The following TPRG1 variants were observed in gnomAD, a reference collection of about 807,000 sequenced individuals.
The protein encoded by TPRG1 is tumor protein p63-regulated gene 1 protein.
In TPRG1, 29 loss-of-function variants were observed where a neutral mutation model predicts 29.3. The ratio of observed to expected loss-of-function variants is 0.99; its 90% CI spans 0.74 to 1.35. The LOEUF is 1.35. Among genes scored for constraint, TPRG1 ranks in the 40% most tolerant of loss-of-function variants. TPRG1 has a pLI of 0.00. For missense variants in TPRG1, 327 were observed against 335.0 expected, an observed-to-expected ratio of 0.98 and a Z score of 0.19; for synonymous variants, 130 against 116.8, an observed-to-expected ratio of 1.11 and a Z score of -0.73.
intron 1 of TPRG1, among the ~76,000 whole-genome samples, chr3:189,204,238 A>G (rs1352388736): frequency 6.6e-6 from 1 of 152,138 alleles, no homozygotes; most frequent in East Asian, 1.9e-4. Context: ...ATCTATGTGA[A>G]AGCAATGGAA....
At chr3:189,301,593 A>G (rs1031483223) in intron 4 of TPRG1, among the ~76,000 whole-genome samples, 3 of 151,978 alleles carry the variant, frequency 2.0e-5, no homozygotes, top group African/African-American at 4.8e-5. Context: ...TTCTGCCATT[A>G]TCACCATTAC....
At chr3:189,272,721 T>TTC (rs764267463) in intron 4 of TPRG1, among the ~76,000 whole-genome samples, 36 of 100,680 alleles carry the variant, frequency 3.6e-4, no homozygotes, top group African/African-American at 7.5e-4. Flanking sequence ...TTCTCCTTCC[T>TTC]TCCTTCCTTC....
chr3:189,139,060 T>C (rs1392144169), intron 3 of TPRG1, among the ~76,000 whole-genome samples: 1 of 152,180 alleles, frequency 6.6e-6, no homozygotes, highest in Non-Finnish European at 1.5e-5. Flanking sequence ...CCCAGCCAAG[T>C]AGACAACTTA....
At chr3:189,296,907 A>G (rs1720023691) in intron 4 of TPRG1, among the ~76,000 whole-genome samples, 1 of 152,214 alleles carries the variant, frequency 6.6e-6, no homozygotes, top group South Asian at 2.1e-4. Context: ...ACTCCACTAA[A>G]TGATAGAAAC....
At chr3:189,207,698 C>T in intron 2 of TPRG1, 104 bp downstream of exon 2, 1 of 1,068,852 alleles carries the variant, frequency 9.4e-7, no homozygotes, top group Admixed American at 2.0e-5. Flanking sequence ...ACATTTGTCT[C>T]ATGTAATCGT....
intron 4 of TPRG1, among the ~76,000 whole-genome samples, chr3:189,042,284 C>A (rs927035673): frequency 2.6e-5 from 4 of 152,070 alleles, no homozygotes; most frequent in Admixed American, 2.0e-4. Flanking sequence ...CCAATTTCAG[C>A]TTTTTTGGTT....
chr3:189,264,490 T>C (rs1713695001), intron 4 of TPRG1, among the ~76,000 whole-genome samples: 1 of 152,212 alleles, frequency 6.6e-6, no homozygotes, highest in Non-Finnish European at 1.5e-5. Flanking sequence ...ACTCTTTTCC[T>C]TAGTTCAAAT....
chr3:189,232,486 T>C (rs1316465577), intron 3 of TPRG1, among the ~76,000 whole-genome samples: 3 of 152,228 alleles, frequency 2.0e-5, no homozygotes, highest in African/African-American at 4.8e-5. Context: ...TGAGTTCAGC[T>C]TCTGTGGGCT....
intron 3 of TPRG1, among the ~76,000 whole-genome samples, chr3:189,006,214 T>C (rs1207861884): frequency 6.6e-6 from 1 of 152,128 alleles, no homozygotes; most frequent in African/African-American, 2.4e-5. Flanking sequence ...GGTTCAAGTC[T>C]AGATTTTGTC....
chr3:189,037,208 A>G (rs1714327315), intron 4 of TPRG1, among the ~76,000 whole-genome samples: 1 of 151,782 alleles, frequency 6.6e-6, no homozygotes, highest in African/African-American at 2.4e-5. Flanking sequence ...TATAGAACAA[A>G]TTTATTTATA....
chr3:189,020,327 G>T (rs1320857919), intron 3 of TPRG1, among the ~76,000 whole-genome samples: 1 of 151,648 alleles, frequency 6.6e-6, no homozygotes, highest in Admixed American at 6.6e-5. Context: ...TGATGTTAGG[G>T]TGTCAATTTT....
chr3:189,272,716 C>T lies in TPRG1; in HGVS notation c.479+33807C>T, dbSNP rs1182701817. Among the ~76,000 whole-genome samples the T allele has an allele frequency of 4.8e-3, 448 of 92,760 alleles. 5 individuals carry two copies. The highest frequency in any genetic ancestry group is 0.024 in the African/African-American group (429 of 17,660). The allele number at this position is 92,760 out of a possible 152,430, so 60.9% of individuals were successfully genotyped here. On this transcript the variant is annotated intron_variant, in intron 4 of 5. Coordinates refer to ENST00000345063, the MANE Select transcript of TPRG1 (RefSeq NM_198485.4). Reference sequence around the variant, plus strand: ...CTTTCTCTTTCTTTCTTTCTTTCTCCTTCCTTCCTTCCTTCCTTCCTTCCT... The same window carrying T: ...CTTTCTCTTTCTTTCTTTCTTTCTCTTTCCTTCCTTCCTTCCTTCCTTCCT...
rs374856917 is a variant in TPRG1, at chr3:189,128,256, T to C, written c.-590+1046T>C. ...AGCTCTCCTGGAGCATGGGCCGCCATGGCCCTTGCATGGAATCATTGTACC... is the reference window on the plus strand; with the variant it reads ...AGCTCTCCTGGAGCATGGGCCGCCACGGCCCTTGCATGGAATCATTGTACC... On this transcript the variant is annotated intron_variant, in intron 2 of 6. Transcript: ENST00000412373. Among the ~76,000 whole-genome samples, 19 of 152,210 alleles carry C rather than the reference T, an allele frequency of 1.2e-4. No homozygotes were observed. The East Asian group carries it at 2.3e-3, about 19-fold the overall frequency.
At chr3:189,181,358 C>T (rs1730195039) in intron 1 of TPRG1, among the ~76,000 whole-genome samples, 1 of 152,138 alleles carries the variant, frequency 6.6e-6, no homozygotes, top group African/African-American at 2.4e-5. Flanking sequence ...GCAAATTTCC[C>T]AAACTTTTAT....
chr3:189,156,455 AGTGAT>A (rs986164884), intron 5 of TPRG1, among the ~76,000 whole-genome samples: 6 of 152,206 alleles, frequency 3.9e-5, no homozygotes, highest in African/African-American at 1.4e-4. Flanking sequence ...AGTTAGAGTC[AGTGAT>A]GTTTACCCAT....
intron 1 of TPRG1, among the ~76,000 whole-genome samples, chr3:189,110,638 T>A (rs1240946677): frequency 2.0e-5 from 3 of 152,042 alleles, no homozygotes; most frequent in Admixed American, 2.0e-4. Flanking sequence ...TTTTTTGGTA[T>A]TTTTTTAATT....
At chr3:189,190,444 C>T (rs1731523012) in intron 1 of TPRG1, among the ~76,000 whole-genome samples, 1 of 152,154 alleles carries the variant, frequency 6.6e-6, no homozygotes, top group South Asian at 2.1e-4. Context: ...TCACCCCCCA[C>T]ATCTTGCCAA....
At chr3:189,107,239 T>C (rs1481878073) in intron 1 of TPRG1, among the ~76,000 whole-genome samples, 15 of 152,108 alleles carry the variant, frequency 9.9e-5, no homozygotes, top group Admixed American at 9.2e-4. Flanking sequence ...TCTCACTTAA[T>C]CCCATTTTTG....
intron 3 of TPRG1, among the ~76,000 whole-genome samples, chr3:189,023,199 A>C (rs1394256290): frequency 3.9e-5 from 6 of 152,114 alleles, no homozygotes; most frequent in African/African-American, 1.2e-4. Flanking sequence ...TGCGTCGCTC[A>C]CGCTGGGAGC....
Sources: gnomAD v4.1 joint callset for allele counts (sites outside exome capture counted in the v4.1 genomes callset) on GRCh38, gnomAD v4.1.1 for gene constraint, MANE v1.5 for transcripts, NCBI Gene and HGNC (gene_info 2026-07-23, HGNC 2026-07-21) for gene names.